USP47: variants seen among roughly 807,000 people sequenced by gnomAD.
USP47 encodes the protein ubiquitin carboxyl-terminal hydrolase 47.
Under a neutral mutation model 165.1 loss-of-function variants are expected in USP47, and 35 were observed. That is an observed-to-expected ratio of 0.21 (90% CI 0.16 to 0.28). USP47 has a LOEUF of 0.28. Ranked by LOEUF, USP47 falls within the 10% of genes least tolerant of loss-of-function variation. The pLI, the probability that USP47 is intolerant of heterozygous loss-of-function variation, is 1.00. For missense variants in USP47, 1,277 were observed against 1,607.4 expected (o/e 0.79, Z 3.52); for synonymous variants, 531 against 544.5 (o/e 0.98, Z 0.35).
At chr11:11,859,826 AG>A (rs1849270842) in intron 1 of USP47, among the ~76,000 whole-genome samples, 1 of 152,116 alleles carries the variant, frequency 6.6e-6, no homozygotes, top group Admixed American at 6.5e-5. Context: ...GTGGATGGCC[AG>A]GCACCGTGGC....
chr11:11,923,232 T>G (rs1475742125), intron 11 of USP47, among the ~76,000 whole-genome samples: 2 of 151,618 alleles, frequency 1.3e-5, no homozygotes, highest in Non-Finnish European at 3.0e-5. Context: ...CACCTCTGCC[T>G]TTAAGGTTGC....
intron 24 of USP47, chr11:11,951,421 A>C (rs1271954182): frequency 1.3e-5 from 2 of 152,188 alleles, no homozygotes; most frequent in Non-Finnish European, 2.9e-5. Context: ...AGGTCCAAGT[A>C]GCAGACATAC....
chr11:11,954,286 T>C (rs1402337528), intron 25 of USP47, among the ~76,000 whole-genome samples: 1 of 152,128 alleles, frequency 6.6e-6, no homozygotes, highest in Non-Finnish European at 1.5e-5. Flanking sequence ...TATTTATTTT[T>C]GAGACGGAGT....
intron 8 of USP47, among the ~76,000 whole-genome samples, chr11:11,918,192 A>T (rs1298072578): frequency 6.6e-6 from 1 of 152,146 alleles, no homozygotes; most frequent in African/African-American, 2.4e-5. Flanking sequence ...CTAGCAAGGA[A>T]TGTATAAATC....
At chr11:11,898,381 T>TA (rs1435681863) in intron 5 of USP47, among the ~76,000 whole-genome samples, 1 of 152,184 alleles carries the variant, frequency 6.6e-6, no homozygotes, top group Non-Finnish European at 1.5e-5. Context: ...TTTTTTGTGT[T>TA]ACTTTCCACT....
At chr11:11,936,556 T>A in intron 17 of USP47, 46 bp downstream of exon 17, 1 of 1,430,408 alleles carries the variant, frequency 7.0e-7, no homozygotes, top group Non-Finnish European at 9.3e-7. Context: ...CTTAGAATTT[T>A]CATGAGAAAG....
intron 5 of USP47, among the ~76,000 whole-genome samples, chr11:11,901,428 A>G (rs182610081): frequency 3.5e-4 from 54 of 152,302 alleles, no homozygotes; most frequent in Non-Finnish European, 5.4e-4. Flanking sequence ...GAATTATTTT[A>G]AAGACTTTGG....
Position 11,947,926 on chromosome 11 carries a change from G to GTTTTTT in USP47, c.3092-14_3092-9dup. 7.5e-7 allele frequency: 1 copy of GTTTTTT among 1,334,418 alleles called. No homozygotes were observed. The highest frequency in any genetic ancestry group is 1.0e-6 in the Non-Finnish European group (1 of 988,990). 82.7% of individuals were successfully genotyped at this position (1,334,418 alleles called of 1,614,324 possible). ...CTTTTACATTTTTGTTCCTGTTTTG[G>GTTTTTT]TTTTTTTTTTGTGCTTAGGGTTGAT... On this transcript the variant is annotated intron_variant, in intron 20 of 27. Coordinates refer to ENST00000527733, the MANE Select transcript of USP47 (RefSeq NM_001282659.2).
chr11:11,920,298 C>T (rs1357111597), intron 9 of USP47, 44 bp from the exon 10 acceptor site: 4 of 1,605,756 alleles, frequency 2.5e-6, no homozygotes, highest in Admixed American at 1.7e-5. Context: ...AGATAATATT[C>T]CATATTCAAT....
chr11:11,842,276 A>G lies in USP47; in HGVS notation c.39+52A>G, dbSNP rs751142244. 2.0e-5 allele frequency: 31 copies of G among 1,537,548 alleles called. No individual in the cohort carries two copies. In the Admixed American group the frequency reaches 6.1e-4, roughly 30 times the overall value. The stretch of plus-strand genomic sequence containing the variant: ...CTTAGGCCTGCGGCCGCTCGAGGCA[A>G]CACAGGCCCGGGCCGGGGTTCGGCT... On this transcript the variant is annotated intron_variant, in intron 1 of 27. Coordinates refer to ENST00000527733, the MANE Select transcript of USP47 (RefSeq NM_001282659.2).
intron 1 of USP47, among the ~76,000 whole-genome samples, chr11:11,874,506 A>G (rs1025331961): frequency 1.4e-4 from 22 of 152,142 alleles, no homozygotes; most frequent in African/African-American, 3.6e-4. Flanking sequence ...CTTCATTAAT[A>G]GCCTTAGAAA....
chr11:11,944,412 A>C (rs896650820), intron 20 of USP47, among the ~76,000 whole-genome samples: 1 of 152,212 alleles, frequency 6.6e-6, no homozygotes, highest in African/African-American at 2.4e-5. Flanking sequence ...TACAACATTC[A>C]TACATATATC....
Position 11,902,875 on chromosome 11 carries a change from G to T in USP47, c.739+15G>T. 6.5e-7 allele frequency: 1 copy of T among 1,543,352 alleles called. No homozygotes were observed. The highest frequency in any genetic ancestry group is 2.1e-5 in the Admixed American group (1 of 47,496). On this transcript the variant is annotated intron_variant, in intron 6 of 27. Transcript: ENST00000527733. The stretch of plus-strand genomic sequence containing the variant: ...TAGTAGTGAGGGTACTAATTCTCTT[G>T]TAATGATAAGCGTTCTAATATTCAA...
Position 11,861,550 on chromosome 11 carries a change from T to C in USP47, c.40-18627T>C, listed in dbSNP as rs2134194915. Among the ~76,000 whole-genome samples, 4 of 152,322 alleles carry C rather than the reference T, an allele frequency of 2.6e-5. 1 individual carries two copies. Among genetic ancestry groups the C allele is most frequent in the Middle Eastern group, 3.4e-3 (1 of 294 alleles). ...GCATTTTTAGTTTCCTATTAATTGA[T>C]TGAGTACTTGATGTAATTTGTTGCA... On this transcript the variant is annotated intron_variant, in intron 1 of 27. Coordinates refer to ENST00000527733, the MANE Select transcript of USP47 (RefSeq NM_001282659.2).
chr11:11,933,511 G>A (rs1263955772), intron 15 of USP47, among the ~76,000 whole-genome samples: 1 of 152,006 alleles, frequency 6.6e-6, no homozygotes, highest in African/African-American at 2.4e-5. Flanking sequence ...CTTGATTACA[G>A]GGATATTCAT....
At chr11:11,923,229 G>A (rs1853992752) in intron 11 of USP47, among the ~76,000 whole-genome samples, 1 of 151,470 alleles carries the variant, frequency 6.6e-6, no homozygotes, top group African/African-American at 2.4e-5. Context: ...TACCACCTCT[G>A]CCTTTAAGGT....
rs1855070847 is a variant in USP47, at chr11:11,936,401, A to T, written c.1968A>T (p.Glu656Asp). Residue 656 changes from glutamate to aspartate, a missense_variant, in exon 17 of 28, where the codon GAA becomes GAT. This residue lies in a region of USP47 where 909 missense variants were observed against 1,068.1 expected (regional missense o/e 0.85). Coordinates refer to ENST00000527733, the MANE Select transcript of USP47 (RefSeq NM_001282659.2). ...DYLERSYEGEEDTPMGLLLGG... is the reference protein window; with the variant it reads ...DYLERSYEGEDDTPMGLLLGG... ...TAGAACGGTCATATGAAGGAGAAGA[A>T]GATACACCAATGGGGCTTCTACTAG... The T allele has an allele frequency of 1.1e-5, 17 of 1,610,890 alleles. No individual in the cohort carries two copies. Among genetic ancestry groups the T allele is most frequent in the Non-Finnish European group, 1.4e-5 (17 of 1,177,864 alleles).
At position 11,942,854 on chromosome 11, in the gene USP47, A is replaced by G. The variant is rs1475727274; in HGVS notation, c.2833A>G (p.Ser945Gly). Residue 945 changes from serine (S) to glycine (G), a missense_variant, in exon 20 of 28, where the codon AGT (serine) becomes GGT (glycine). Transcript: ENST00000527733. ...SSVDSDILSS[S>G]HSSDTLCNAD... ...AGTGGACAGTGATATTCTTAGCTCC[A>G]GTCATAGCAGTGATACTTTGTGCAA... 3.7e-6 allele frequency: 6 copies of G among 1,613,764 alleles called. No homozygotes were observed. Among genetic ancestry groups the G allele is most frequent in the South Asian group, 3.3e-5 (3 of 91,078 alleles).
intron 3 of USP47, among the ~76,000 whole-genome samples, chr11:11,886,561 A>G (rs191832598): frequency 8.4e-4 from 128 of 152,300 alleles, no homozygotes; most frequent in African/African-American, 3.0e-3. Flanking sequence ...ATGAAAAGGA[A>G]TGAACAAAAC....
Sources: gnomAD v4.1 joint callset for allele counts (sites outside exome capture counted in the v4.1 genomes callset) on GRCh38, gnomAD v4.1.1 for gene constraint, gnomAD v4.1.1 regional missense constraint, MANE v1.5 for transcripts, NCBI Gene and HGNC (gene_info 2026-07-23, HGNC 2026-07-21) for gene names.